The following ITPR2 variants were observed in gnomAD, a reference collection of about 807,000 sequenced individuals.
ITPR2 encodes the protein inositol 1,4,5-trisphosphate receptor type 2.
In ITPR2, 207 loss-of-function variants were observed where a neutral mutation model predicts 317.1. That is an observed-to-expected ratio of 0.65 (90% CI 0.58 to 0.73). ITPR2 has a LOEUF of 0.73. Ranked by LOEUF, ITPR2 falls within the 30% of genes least tolerant of loss-of-function variation. The pLI, the probability that ITPR2 is intolerant of heterozygous loss-of-function variation, is 0.00. For synonymous variants in ITPR2, 1,156 were observed against 1,149.1 expected, an observed-to-expected ratio of 1.01 and a Z score of -0.12; for missense variants, 2,613 against 3,284.0, an observed-to-expected ratio of 0.80 and a Z score of 4.99.
At chr12:26,753,291 G>A (rs922899127) in intron 2 of ITPR2, among the ~76,000 whole-genome samples, 24 of 152,148 alleles carry the variant, frequency 1.6e-4, no homozygotes, top group East Asian at 7.7e-4. Context: ...GCCTAAGAAC[G>A]GATTTGACAC....
At chr12:26,395,835 C>T (rs190602246) in intron 54 of ITPR2, among the ~76,000 whole-genome samples, 2 of 152,242 alleles carry the variant, frequency 1.3e-5, no homozygotes, top group Admixed American at 6.5e-5. Context: ...GGTAGTCCTC[C>T]GCTCAAATCT....
intron 1 of ITPR2, among the ~76,000 whole-genome samples, chr12:26,804,955 G>T (rs112306273): frequency 6.6e-6 from 1 of 151,896 alleles, no homozygotes; most frequent in African/African-American, 2.4e-5. Context: ...GGCTGGTCTT[G>T]AACTCCTGGG....
intron 37 of ITPR2, among the ~76,000 whole-genome samples, chr12:26,535,419 A>G (rs1944063880): frequency 1.3e-5 from 2 of 152,258 alleles, no homozygotes; most frequent in Non-Finnish European, 1.5e-5. Context: ...GTTATGTTCC[A>G]TTAAAGATTT....
At chr12:26,367,327 G>A (rs1939043768) in intron 55 of ITPR2, among the ~76,000 whole-genome samples, 1 of 152,124 alleles carries the variant, frequency 6.6e-6, no homozygotes, top group Admixed American at 6.5e-5. Flanking sequence ...CATGAAACAA[G>A]CATTTTGCAC....
intron 44 of ITPR2, among the ~76,000 whole-genome samples, chr12:26,475,925 GA>G (rs1942407594): frequency 6.6e-6 from 1 of 152,228 alleles, no homozygotes; most frequent in Admixed American, 6.5e-5. Context: ...GCAAGAGGTG[GA>G]GGGTGGGCCA....
intron 21 of ITPR2, among the ~76,000 whole-genome samples, chr12:26,641,398 GA>G (rs1328642282): frequency 1.3e-5 from 2 of 150,608 alleles, no homozygotes; most frequent in African/African-American, 4.9e-5. Flanking sequence ...TGTGTATAAA[GA>G]AAGCAATAAA....
chr12:26,545,301 T>C (rs1944368064), intron 37 of ITPR2, among the ~76,000 whole-genome samples: 1 of 152,070 alleles, frequency 6.6e-6, no homozygotes, highest in South Asian at 2.1e-4. Flanking sequence ...ATCCAGGTGG[T>C]TCCAATGTAA....
At chr12:26,702,137 T>C (rs540010951) in intron 9 of ITPR2, among the ~76,000 whole-genome samples, 12 of 152,224 alleles carry the variant, frequency 7.9e-5, no homozygotes, top group African/African-American at 2.9e-4. Flanking sequence ...ACAATAATAA[T>C]ACAAGTAAAA....
Position 26,499,652 on chromosome 12 carries a change from C to A in ITPR2, c.5074-4392G>T, listed in dbSNP as rs186917784. On this transcript the variant is annotated intron_variant, in intron 37 of 56. Coordinates refer to ENST00000381340, the MANE Select transcript of ITPR2 (RefSeq NM_002223.4). Reference sequence around the variant, plus strand: ...CTGCTAGTATTAATATTATCCAGATCATGGGAACAGTCTACAACTTGCAAA... The same window carrying A: ...CTGCTAGTATTAATATTATCCAGATAATGGGAACAGTCTACAACTTGCAAA... Among the ~76,000 whole-genome samples, 7 of 152,290 alleles carry A rather than the reference C, an allele frequency of 4.6e-5. No individual in the cohort carries two copies. In the East Asian group the frequency reaches 1.3e-3, roughly 29 times the overall value.
At chr12:26,566,452 GGAGGA>G (rs1367244475) in intron 34 of ITPR2, among the ~76,000 whole-genome samples, 1 of 133,738 alleles carries the variant, frequency 7.5e-6, no homozygotes, top group Non-Finnish European at 1.6e-5. Flanking sequence ...AGGAAAGAGG[GGAGGA>G]GGAGAGGAGA....
intron 48 of ITPR2, among the ~76,000 whole-genome samples, chr12:26,430,342 C>T (rs1318853423): frequency 6.6e-6 from 1 of 152,204 alleles, no homozygotes; most frequent in Non-Finnish European, 1.5e-5. Context: ...CGGCTCACTG[C>T]AACCTCTGCC....
chr12:26,779,802 A>T (rs1421647778), intron 2 of ITPR2, among the ~76,000 whole-genome samples: 1 of 152,178 alleles, frequency 6.6e-6, no homozygotes, highest in Admixed American at 6.5e-5. Context: ...CAGATGTGCG[A>T]TTATACACTG....
intron 2 of ITPR2, among the ~76,000 whole-genome samples, chr12:26,728,970 A>G (rs1488603128): frequency 6.6e-6 from 1 of 152,226 alleles, no homozygotes; most frequent in East Asian, 1.9e-4. Context: ...ATAGTTTGCA[A>G]AAATTTTCTC....
chr12:26,346,351 G>A (rs765864056), intron 55 of ITPR2, among the ~76,000 whole-genome samples: 5 of 152,318 alleles, frequency 3.3e-5, no homozygotes, highest in African/African-American at 7.2e-5. Flanking sequence ...GGCCAGGCAC[G>A]GTGGCTCATG....
intron 37 of ITPR2, among the ~76,000 whole-genome samples, chr12:26,530,430 A>G (rs575567863): frequency 5.3e-5 from 8 of 152,298 alleles, no homozygotes; most frequent in African/African-American, 1.4e-4. Context: ...TCTTCAGATG[A>G]TACTGTTCAC....
intron 45 of ITPR2, among the ~76,000 whole-genome samples, chr12:26,457,423 G>C (rs1253222534): frequency 6.6e-6 from 1 of 152,200 alleles, no homozygotes; most frequent in Non-Finnish European, 1.5e-5. Context: ...AAGCCAACAG[G>C]AGAGTTGACT....
At chr12:26,761,458 T>G (rs537924621) in intron 2 of ITPR2, among the ~76,000 whole-genome samples, 18 of 152,034 alleles carry the variant, frequency 1.2e-4, no homozygotes, top group African/African-American at 4.1e-4. Context: ...GAAATGGAGA[T>G]CTATACATTT....
At chr12:26,735,838 A>G (rs1376334380) in intron 2 of ITPR2, among the ~76,000 whole-genome samples, 1 of 152,240 alleles carries the variant, frequency 6.6e-6, no homozygotes, top group Non-Finnish European at 1.5e-5. Context: ...TATATTTTTA[A>G]ATTAACTGCC....
At chr12:26,381,913 G>A (rs908016587) in intron 55 of ITPR2, among the ~76,000 whole-genome samples, 4 of 152,136 alleles carry the variant, frequency 2.6e-5, no homozygotes, top group Admixed American at 6.5e-5. Context: ...ACAAATATCC[G>A]TTAATATACC....
Sources: allele counts gnomAD v4.1 joint callset (sites outside exome capture counted in the v4.1 genomes callset), GRCh38; gene constraint gnomAD v4.1.1; transcripts MANE v1.5; gene names NCBI Gene and HGNC (gene_info 2026-07-23, HGNC 2026-07-21).